Variants in SHISA6 observed in about 807,000 individuals in gnomAD.
SHISA6 encodes protein shisa-6.
In SHISA6, 22 loss-of-function variants were observed where a neutral mutation model predicts 47.9. The ratio of observed to expected loss-of-function variants is 0.46; its 90% confidence interval spans 0.33 to 0.66. The LOEUF (loss-of-function observed/expected upper bound fraction) is 0.66. Ranked by LOEUF, SHISA6 falls within the 30% of genes least tolerant of loss-of-function variation. SHISA6 has a pLI of 0.02. For synonymous variants in SHISA6, 388 were observed against 337.8 expected (o/e 1.15, Z -1.63); for missense variants, 680 against 764.6 (o/e 0.89, Z 1.30).
rs76885740 is a variant in SHISA6 at position 11,349,695 on chromosome 17, G to A, written c.800-29719G>A. ...CTCCAGCACTTTCCAAATGTCTGCAGTATTCTACCTGTCAGTCAGCTCCAC... is the reference window on the plus strand; with the variant it reads ...CTCCAGCACTTTCCAAATGTCTGCAATATTCTACCTGTCAGTCAGCTCCAC... On this transcript the variant is annotated intron_variant, in intron 2 of 5. Transcript: ENST00000441885. Among the ~76,000 whole-genome samples the A allele has an allele frequency of 1.2e-4, 19 of 152,320 alleles. No homozygotes were observed. In the East Asian group the frequency reaches 1.4e-3, roughly 11 times the overall value.
intron 3 of SHISA6, among the ~76,000 whole-genome samples, chr17:11,535,746 G>T (rs1443120326): frequency 2.6e-5 from 4 of 152,116 alleles, no homozygotes; most frequent in Admixed American, 2.0e-4. Flanking sequence ...CTTATTTTTT[G>T]CGTGACCTCC....
chr17:11,455,126 G>A (rs977851077), intron 3 of SHISA6, among the ~76,000 whole-genome samples: 4 of 152,140 alleles, frequency 2.6e-5, no homozygotes, highest in Admixed American at 6.5e-5. Flanking sequence ...CCGAGATCAC[G>A]CCACTGCACT....
Position 11,555,836 on chromosome 17 carries a change from C to A in SHISA6, c.1049C>A (p.Ser350Tyr). 2 of 1,551,878 alleles carry A rather than the reference C, an allele frequency of 1.3e-6. No homozygotes were observed. The highest frequency in any genetic ancestry group is 1.7e-6 in the Non-Finnish European group (2 of 1,147,006). The change falls in exon 5 of 6, where the codon TCC becomes TAC. Residue 350 changes from serine (S) to tyrosine (Y), a missense_variant. Physicochemically the swap from Ser to Tyr is moderately radical, Grantham distance 144. Around this residue, in one of 2 missense-constraint regions of SHISA6, gnomAD observed 559 missense variants for 674.1 expected, o/e 0.83. Transcript: ENST00000441885. Reference protein sequence around the residue: ...SFQNLAHLPPSYESAVKTNPS... With the variant: ...SFQNLAHLPPYYESAVKTNPS... ...CAGAACTTGGCCCACCTGCCCCCAT[C>A]CTACGAGTCTGCAGTAAAGACCAAC... is the stretch of plus-strand genomic sequence containing the variant.
rs1412245179 is a variant in SHISA6, at chr17:11,263,441, C to T, written c.714C>T (p.Ile238=). 1.3e-5 allele frequency: 20 copies of T among 1,551,748 alleles called. No homozygotes were observed. The highest frequency in any genetic ancestry group is 1.5e-5 in the Non-Finnish European group (17 of 1,147,060). ...AHCERETISA[I]DTSPKENTPV... ...GTGAAAGAGAAACTATCTCGGCTAT[C>T]GATACCTCTCCCAAAGAGAACACGC... is the stretch of plus-strand genomic sequence containing the variant. Residue 238 remains isoleucine, a synonymous_variant, in exon 2 of 6, where the codon ATC becomes ATT. Transcript: ENST00000441885.
At chr17:11,349,969 A>G (rs1911816809) in intron 2 of SHISA6, among the ~76,000 whole-genome samples, 1 of 152,020 alleles carries the variant, frequency 6.6e-6, no homozygotes, top group Non-Finnish European at 1.5e-5. Context: ...GAGTGCAGAA[A>G]CATCCTCTGC....
At chr17:11,248,384 C>T (rs1159308057) in intron 1 of SHISA6, among the ~76,000 whole-genome samples, 1 of 152,162 alleles carries the variant, frequency 6.6e-6, no homozygotes, top group Non-Finnish European at 1.5e-5. Context: ...TTCAGAGAGG[C>T]TAGGTCACAG....
chr17:11,364,428 T>G (rs1912380734), intron 2 of SHISA6, among the ~76,000 whole-genome samples: 1 of 152,256 alleles, frequency 6.6e-6, no homozygotes, highest in Non-Finnish European at 1.5e-5. Flanking sequence ...ATGCATTTTT[T>G]TGTGTGTTTG....
At chr17:11,384,925 C>T (rs891792304) in intron 3 of SHISA6, among the ~76,000 whole-genome samples, 10 of 152,164 alleles carry the variant, frequency 6.6e-5, no homozygotes, top group Non-Finnish European at 4.4e-5. Context: ...GTTGTAGGAG[C>T]GATTGCCCGT....
intron 1 of SHISA6, among the ~76,000 whole-genome samples, chr17:11,261,784 T>C (rs1034382678): frequency 6.6e-6 from 1 of 152,244 alleles, no homozygotes; most frequent in Non-Finnish European, 1.5e-5. Context: ...TACACAAGTT[T>C]AATGCAACAT....
At chr17:11,546,114 C>A (rs539145941) in intron 3 of SHISA6, among the ~76,000 whole-genome samples, 2 of 152,196 alleles carry the variant, frequency 1.3e-5, no homozygotes, top group Non-Finnish European at 2.9e-5. Flanking sequence ...CAATATGCCC[C>A]GGTCTCTAAA....
At chr17:11,515,717 A>G (rs2071580370) in intron 3 of SHISA6, among the ~76,000 whole-genome samples, 4 of 152,106 alleles carry the variant, frequency 2.6e-5, no homozygotes, top group Non-Finnish European at 4.4e-5. Flanking sequence ...CCTCCTCACA[A>G]CACTGTCCTA....
intron 2 of SHISA6, among the ~76,000 whole-genome samples, chr17:11,284,472 A>C (rs1909227686): frequency 6.6e-6 from 1 of 152,172 alleles, no homozygotes; most frequent in Non-Finnish European, 1.5e-5. Flanking sequence ...AGTGACCCTC[A>C]TTTAGCTGCA....
At chr17:11,368,819 G>A (rs1278403235) in intron 2 of SHISA6, among the ~76,000 whole-genome samples, 1 of 152,094 alleles carries the variant, frequency 6.6e-6, no homozygotes, top group African/African-American at 2.4e-5. Flanking sequence ...ACCATGCCCA[G>A]CTAATTTTTG....
intron 3 of SHISA6, among the ~76,000 whole-genome samples, chr17:11,391,157 G>A (rs571820386): frequency 6.6e-6 from 1 of 152,268 alleles, no homozygotes; most frequent in African/African-American, 2.4e-5. Flanking sequence ...GATGTGTGGG[G>A]CCATAAGTCA....
intron 2 of SHISA6, among the ~76,000 whole-genome samples, chr17:11,308,432 C>G (rs369785809): frequency 3.3e-4 from 50 of 152,182 alleles, no homozygotes; most frequent in African/African-American, 1.2e-3. Flanking sequence ...ATGGCAGGAG[C>G]GTGGTTTTCT....
At chr17:11,353,187 G>T (rs926914443) in intron 2 of SHISA6, among the ~76,000 whole-genome samples, 2 of 152,142 alleles carry the variant, frequency 1.3e-5, no homozygotes, top group Non-Finnish European at 2.9e-5. Flanking sequence ...GGCCGGGCAC[G>T]GTGGCTTACA....
intron 2 of SHISA6, among the ~76,000 whole-genome samples, chr17:11,300,171 A>G (rs530015502): frequency 2.0e-4 from 30 of 151,432 alleles, no homozygotes; most frequent in Admixed American, 1.3e-4. Flanking sequence ...AAAAAGAAAA[A>G]CAAGAAAAAA....
intron 3 of SHISA6, among the ~76,000 whole-genome samples, chr17:11,432,865 CAG>C (rs1445444824): frequency 6.6e-6 from 1 of 151,462 alleles, no homozygotes; most frequent in Non-Finnish European, 1.5e-5. Context: ...TCTATAGAAA[CAG>C]AAAGTAGATT....
chr17:11,392,517 C>T (rs1274405746), intron 3 of SHISA6, among the ~76,000 whole-genome samples: 3 of 152,178 alleles, frequency 2.0e-5, no homozygotes, highest in Non-Finnish European at 4.4e-5. Context: ...TGCTCTCTTG[C>T]TTCCTCTGTT....
Sources: allele counts gnomAD v4.1 joint callset (sites outside exome capture counted in the v4.1 genomes callset), GRCh38; gene constraint gnomAD v4.1.1; regional missense constraint gnomAD v4.1.1; transcripts MANE v1.5; gene names NCBI Gene and HGNC (gene_info 2026-07-23, HGNC 2026-07-21).